Variants in CERKL observed in about 807,000 individuals in gnomAD.
The protein encoded by CERKL is ceramide kinase-like protein.
In CERKL, 61 loss-of-function variants were observed where a neutral mutation model predicts 63.4. That is an observed-to-expected ratio of 0.96 (90% CI 0.78 to 1.19). The LOEUF is 1.19. Ranked by LOEUF, CERKL falls within the 50% of genes most tolerant of loss-of-function variation. The probability of loss-of-function intolerance (pLI) is 0.00; values close to 1 mark genes in which losing one functional copy is unlikely to be tolerated. For missense variants in CERKL, 675 were observed against 655.5 expected (o/e 1.03, Z -0.33); for synonymous variants, 250 against 230.5 (o/e 1.08, Z -0.77).
chr2:181,622,571 C>T (rs1329022472), intron 1 of CERKL, among the ~76,000 whole-genome samples: 1 of 152,048 alleles, frequency 6.6e-6, no homozygotes, highest in African/African-American at 2.4e-5. Context: ...AAAGTACTCT[C>T]CATAATGCAA....
rs1218712475 is a variant in CERKL, at chr2:181,607,859, C to T, written c.239-3780G>A. The stretch of plus-strand genomic sequence containing the variant: ...CCACACGGGGGTGTTACTGGGTGTC[C>T]GCTTCACATAGGTGAATGCATATAG... On this transcript the variant is annotated intron_variant, in intron 1 of 12. Coordinates refer to ENST00000410087, the MANE Select transcript of CERKL (RefSeq NM_201548.5). Among the ~76,000 whole-genome samples the T allele has an allele frequency of 2.0e-5, 3 of 152,300 alleles. No homozygotes were observed. In the East Asian group the frequency reaches 5.8e-4, roughly 29 times the overall value.
At chr2:181,555,513 G>C (rs1688164252) in intron 5 of CERKL, among the ~76,000 whole-genome samples, 1 of 151,970 alleles carries the variant, frequency 6.6e-6, no homozygotes, top group Admixed American at 6.6e-5. Flanking sequence ...CTGACTTTCT[G>C]AAAGACTTTA....
chr2:181,603,256 A>G (rs1295081194), intron 2 of CERKL: 1 of 179,864 alleles, frequency 5.6e-6, no homozygotes, highest in Non-Finnish European at 1.2e-5. Flanking sequence ...AGGAGAATAC[A>G]TTCTTATATA....
At position 181,642,743 on chromosome 2, in the gene CERKL, TA is replaced by T. The variant is rs530300671; in HGVS notation, c.238+14025del. On this transcript the variant is annotated intron_variant, in intron 1 of 12. Coordinates refer to ENST00000410087, the MANE Select transcript of CERKL (RefSeq NM_201548.5). The stretch of plus-strand genomic sequence containing the variant: ...TTCAAAGGCCTAGTTTTATTTTTTT[TA>T]AAATCTTTGAAACATACTATTTGAA... 4.5e-3 allele frequency among the ~76,000 whole-genome samples: 691 copies of T among 152,068 alleles called. 4 individuals are homozygous for T. Among genetic ancestry groups the T allele is most frequent in the Middle Eastern group, 0.01 (3 of 294 alleles).
At chr2:181,599,444 G>A (rs1161746159) in intron 2 of CERKL, among the ~76,000 whole-genome samples, 4 of 151,918 alleles carry the variant, frequency 2.6e-5, no homozygotes, top group Non-Finnish European at 5.9e-5. Flanking sequence ...AGGTGAGGCA[G>A]GAGAATCGCT....
intron 10 of CERKL, among the ~76,000 whole-genome samples, chr2:181,546,953 G>A (rs956720379): frequency 1.3e-5 from 2 of 152,134 alleles, no homozygotes; most frequent in African/African-American, 2.4e-5. Flanking sequence ...AGACCTGGTG[G>A]GAGATAACTG....
Position 181,539,193 on chromosome 2 carries a change from T to C in CERKL, c.1437A>G (p.Gly479=), listed in dbSNP as rs1452173236. The C allele has an allele frequency of 2.5e-6, 4 of 1,605,424 alleles. No individual in the cohort carries two copies. The highest frequency in any genetic ancestry group is 2.2e-5 in the East Asian group (1 of 44,742). The change falls in exon 12 of 13, where the codon GGA becomes GGG. Residue 479 remains glycine (G), a synonymous_variant. Coordinates refer to ENST00000410087, the MANE Select transcript of CERKL (RefSeq NM_201548.5). ...VKVHPRNNTG[G]YNPEEEEDET... The stretch of plus-strand genomic sequence containing the variant: ...CATCCTCCTCCTCCTCTGGATTATA[T>C]CCACCAGTATTATTCCTTGGATGAA...
At chr2:181,598,915 TCAAAAATAAGAA>T (rs1459038305) in intron 2 of CERKL, among the ~76,000 whole-genome samples, 1 of 150,024 alleles carries the variant, frequency 6.7e-6, no homozygotes, top group East Asian at 1.9e-4. Flanking sequence ...AATAGGAAAT[TCAAAAATAAGAA>T]TCAACAGCTC....
At chr2:181,541,832 T>A (rs138436808) in intron 11 of CERKL, among the ~76,000 whole-genome samples, 19 of 152,172 alleles carry the variant, frequency 1.2e-4, no homozygotes, top group African/African-American at 2.4e-5. Flanking sequence ...AGTGGTGCCA[T>A]TGACCCGCAC....
chr2:181,609,533 T>TAAAA lies in CERKL; in HGVS notation c.239-5458_239-5455dup, dbSNP rs869037405. ...CACCATGGTGAAACCCTGTCTCTAC[T>TAAAA]AAAAAAAAAAAAAAAAAAAAAAATT... On this transcript the variant is annotated intron_variant, in intron 1 of 12. Transcript: ENST00000410087. Among the ~76,000 whole-genome samples the TAAAA allele has an allele frequency of 9.0e-4, 63 of 70,226 alleles. 6 individuals carry two copies. Among genetic ancestry groups the TAAAA allele is most frequent in the East Asian group, 4.4e-3 (6 of 1,374 alleles). The allele number at this position is 70,226 out of a possible 152,430, so 46.1% of individuals were successfully genotyped here.
chr2:181,650,247 G>T (rs745306133), intron 1 of CERKL, among the ~76,000 whole-genome samples: 3 of 152,094 alleles, frequency 2.0e-5, no homozygotes, highest in Non-Finnish European at 2.9e-5. Context: ...GAGACAAAAT[G>T]CTCCTAAACA....
intron 1 of CERKL, among the ~76,000 whole-genome samples, chr2:181,637,760 A>G (rs192155132): frequency 7.9e-4 from 121 of 152,286 alleles, no homozygotes; most frequent in African/African-American, 2.7e-3. Context: ...TTGATTTTTA[A>G]AAAAGAAATG....
At chr2:181,551,762 C>A (rs886145202) in intron 5 of CERKL, among the ~76,000 whole-genome samples, 1 of 152,048 alleles carries the variant, frequency 6.6e-6, no homozygotes, top group Middle Eastern at 3.2e-3. Flanking sequence ...ACATCTTATA[C>A]ACATAGCCTG....
intron 1 of CERKL, among the ~76,000 whole-genome samples, chr2:181,605,353 T>G (rs558745275): frequency 5.4e-4 from 82 of 152,324 alleles, no homozygotes; most frequent in Non-Finnish European, 1.1e-3. Flanking sequence ...AGAGGTCCCC[T>G]TGAGACTTTA....
intron 1 of CERKL, among the ~76,000 whole-genome samples, chr2:181,618,980 AGATT>A (rs1376162721): frequency 2.6e-5 from 4 of 152,208 alleles, no homozygotes; most frequent in Admixed American, 2.0e-4. Context: ...TTTTATTACT[AGATT>A]GTTTTTACAC....
intron 2 of CERKL, among the ~76,000 whole-genome samples, chr2:181,587,124 T>C (rs1361352093): frequency 5.3e-5 from 8 of 152,220 alleles, no homozygotes; most frequent in Non-Finnish European, 1.0e-4. Context: ...ATATTTTATA[T>C]TGGCAATTTA....
chr2:181,555,163 T>G (rs1160678964), intron 5 of CERKL, among the ~76,000 whole-genome samples: 1 of 152,146 alleles, frequency 6.6e-6, no homozygotes, highest in Admixed American at 6.5e-5. Context: ...AACCACCAAA[T>G]TTATGTCAAA....
At chr2:181,554,153 A>C (rs1013259705) in intron 5 of CERKL, among the ~76,000 whole-genome samples, 1 of 144,372 alleles carries the variant, frequency 6.9e-6, no homozygotes, top group Middle Eastern at 3.4e-3. Flanking sequence ...ACCAGGGAGA[A>C]ACTATGGAGG....
intron 4 of CERKL, among the ~76,000 whole-genome samples, chr2:181,559,833 T>A (rs77898729): frequency 0.019 from 2,862 of 152,244 alleles, 73 homozygotes; most frequent in African/African-American, 0.064. Flanking sequence ...CTCTCGGCCA[T>A]CTATTCCCTC....
Sources: allele counts gnomAD v4.1 joint callset (sites outside exome capture counted in the v4.1 genomes callset), GRCh38; gene constraint gnomAD v4.1.1; transcripts MANE v1.5; gene names NCBI Gene and HGNC (gene_info 2026-07-23, HGNC 2026-07-21).